CHRNA7: variants seen among roughly 807,000 people sequenced by gnomAD.
CHRNA7 encodes the protein cholinergic receptor nicotinic alpha 7 subunit, also known as neuronal acetylcholine receptor subunit alpha-7.
CHRNA7 carries 17 observed loss-of-function variants against 48.0 expected under a neutral mutation model. The ratio of observed to expected loss-of-function variants is 0.35; its 90% CI spans 0.24 to 0.53. The LOEUF is 0.53. CHRNA7 is among the 20% of genes least tolerant of loss of function. The pLI, the probability that CHRNA7 is intolerant of heterozygous loss-of-function variation, is 0.92. For synonymous variants in CHRNA7, 75 were observed against 242.3 expected (o/e 0.31, Z 6.41); for missense variants, 155 against 577.7 (o/e 0.27, Z 7.50).
At chr15:32,141,481 G>A (rs1363186125) in intron 4 of CHRNA7, among the ~76,000 whole-genome samples, 9 of 152,170 alleles carry the variant, frequency 5.9e-5, no homozygotes, top group Non-Finnish European at 1.3e-4. Context: ...AGCTTGATGG[G>A]GATGGCATTG....
In CHRNA7 at chr15:32,149,228, T is replaced by C. The variant is rs1204100388; in HGVS notation, c.351-4679T>C. On this transcript the variant is annotated intron_variant, in intron 4 of 9. Transcript: ENST00000306901. The surrounding 1 kb of genome is among the most constrained non-coding windows in gnomAD (Gnocchi z 4.6). ...TCAGACTATTTAATACAGAACAGTT[T>C]ACACACAGAAGAGGAGTGAGGAGGA... 2.6e-5 allele frequency among the ~76,000 whole-genome samples: 4 copies of C among 152,240 alleles called. No individual in the cohort carries two copies. Among genetic ancestry groups the C allele is most frequent in the Non-Finnish European group, 2.9e-5 (2 of 68,050 alleles).
At chr15:32,125,182 A>G (rs2051044843) in intron 4 of CHRNA7, among the ~76,000 whole-genome samples, 1 of 152,026 alleles carries the variant, frequency 6.6e-6, no homozygotes, top group African/African-American at 2.4e-5. Context: ...CTAATAAAAG[A>G]TTTAAGAAAG....
At chr15:32,037,221 T>A (rs1171344362) in intron 2 of CHRNA7, among the ~76,000 whole-genome samples, 1 of 152,224 alleles carries the variant, frequency 6.6e-6, no homozygotes, top group Non-Finnish European at 1.5e-5. Flanking sequence ...TGCATCTTTG[T>A]CAAAGATCAG....
chr15:32,033,711 A>T (rs917199515), intron 2 of CHRNA7, among the ~76,000 whole-genome samples: 13 of 152,228 alleles, frequency 8.5e-5, no homozygotes, highest in African/African-American at 3.1e-4. Context: ...GGACAGAGAC[A>T]CAATGGTTCT....
At chr15:32,100,750 A>C (rs993029496) in intron 2 of CHRNA7, 1 of 154,952 alleles carries the variant, frequency 6.5e-6, no homozygotes, top group Non-Finnish European at 1.5e-5. Flanking sequence ...TGCCTCCTAG[A>C]AGTTAGAGGT....
chr15:32,145,365 C>CA (rs952203170), intron 4 of CHRNA7, among the ~76,000 whole-genome samples: 1 of 152,204 alleles, frequency 6.6e-6, no homozygotes, highest in Non-Finnish European at 1.5e-5. Flanking sequence ...AGTCAGGCTA[C>CA]ACGGGGGTCA....
rs572197818 is a variant in CHRNA7 at position 32,089,692 on chromosome 15, AGTCCT to A, written c.196-11608_196-11604del. Among the ~76,000 whole-genome samples the A allele has an allele frequency of 7.2e-5, 11 of 152,230 alleles. No homozygotes were observed. The South Asian group carries it at 2.3e-3, about 32-fold the overall frequency. ...AATTTCAACATTTGTATCATATCTA[AGTCCT>A]GTTCTGATGTTTGCTTTGTCTCTGC... is the stretch of plus-strand genomic sequence containing the variant. On this transcript the variant is annotated intron_variant, in intron 2 of 9. Coordinates refer to ENST00000306901, the MANE Select transcript of CHRNA7 (RefSeq NM_000746.6).
At chr15:32,033,711 A>G (rs917199515) in intron 2 of CHRNA7, among the ~76,000 whole-genome samples, 6 of 152,228 alleles carry the variant, frequency 3.9e-5, no homozygotes, top group African/African-American at 7.2e-5. Context: ...GGACAGAGAC[A>G]CAATGGTTCT....
rs1286076542 is a variant in CHRNA7, at chr15:32,149,559, T to C, written c.351-4348T>C. Among the ~76,000 whole-genome samples, 2 of 152,214 alleles carry C rather than the reference T, an allele frequency of 1.3e-5. No individual in the cohort carries two copies. Among genetic ancestry groups the C allele is most frequent in the South Asian group, 4.1e-4 (2 of 4,828 alleles). ...ACAGATAAAGTAGTATTAGCACAAA[T>C]CCATTACAAGAGTTTACTTTTATAC... On this transcript the variant is annotated intron_variant, in intron 4 of 9. Coordinates refer to ENST00000306901, the MANE Select transcript of CHRNA7 (RefSeq NM_000746.6). The surrounding 1 kb of genome is among the most constrained non-coding windows in gnomAD (Gnocchi z 4.6).
chr15:32,114,042 A>G lies in CHRNA7; in HGVS notation c.350+2143A>G, dbSNP rs372044476. Among the ~76,000 whole-genome samples the G allele has an allele frequency of 9.4e-3, 659 of 70,310 alleles. 4 individuals carry two copies. Among genetic ancestry groups the G allele is most frequent in the Middle Eastern group, 0.024 (4 of 170 alleles). The allele number at this position is 70,310 out of a possible 152,430, so 46.1% of individuals were successfully genotyped here. A position where few individuals can be genotyped will look rare whatever the true frequency, so the allele number is the denominator to read the frequency against. On this transcript the variant is annotated intron_variant, in intron 4 of 9. Coordinates refer to ENST00000306901, the MANE Select transcript of CHRNA7 (RefSeq NM_000746.6). ...CAAATATATATATATATATATATAT[A>G]TGTATATATATATATATACATATAT...
At chr15:32,138,386 G>A (rs1037985564) in intron 4 of CHRNA7, among the ~76,000 whole-genome samples, 7 of 152,056 alleles carry the variant, frequency 4.6e-5, no homozygotes, top group Admixed American at 6.6e-5. Flanking sequence ...GTTTTTTAAA[G>A]CAGTTTGAGG....
chr15:32,108,386 C>T (rs555511752), intron 3 of CHRNA7, among the ~76,000 whole-genome samples: 24 of 152,346 alleles, frequency 1.6e-4, no homozygotes, highest in Non-Finnish European at 2.6e-4. Context: ...GGTTCATTGA[C>T]GCTTCTTTTC....
chr15:32,080,787 T>A (rs1566824921), intron 2 of CHRNA7, among the ~76,000 whole-genome samples: 1 of 152,216 alleles, frequency 6.6e-6, no homozygotes, highest in East Asian at 1.9e-4. Context: ...GCCGTCCCAT[T>A]ACTGGGTATA....
At chr15:32,077,636 C>A (rs1326888126) in intron 2 of CHRNA7, among the ~76,000 whole-genome samples, 2 of 152,080 alleles carry the variant, frequency 1.3e-5, no homozygotes, top group Non-Finnish European at 2.9e-5. Context: ...TTTAGTGTTC[C>A]TATAAAGGAA....
chr15:32,098,738 C>A (rs2050516083), intron 2 of CHRNA7: 1 of 152,284 alleles, frequency 6.6e-6, no homozygotes, highest in South Asian at 2.1e-4. Context: ...TGGGTGAAGT[C>A]CATGTCCTTG....
intron 4 of CHRNA7, among the ~76,000 whole-genome samples, chr15:32,119,947 C>T (rs559821757): frequency 1.3e-5 from 2 of 152,296 alleles, no homozygotes; most frequent in East Asian, 3.9e-4. Flanking sequence ...CTGCCTCATC[C>T]GGTGCTTACT....
chr15:32,138,672 G>A (rs1319174227), intron 4 of CHRNA7, among the ~76,000 whole-genome samples: 2 of 151,870 alleles, frequency 1.3e-5, no homozygotes, highest in Non-Finnish European at 2.9e-5. Context: ...AAAAATCCTC[G>A]GTGCTCCACC....
chr15:32,095,818 C>T (rs1045913253), intron 2 of CHRNA7, among the ~76,000 whole-genome samples: 1 of 152,196 alleles, frequency 6.6e-6, no homozygotes, highest in African/African-American at 2.4e-5. Context: ...AATTATTTTC[C>T]GTGATCGTAA....
intron 4 of CHRNA7, among the ~76,000 whole-genome samples, chr15:32,150,314 T>C (rs2141357316): frequency 6.6e-6 from 1 of 152,312 alleles, no homozygotes; most frequent in South Asian, 2.1e-4. Context: ...CCTCTGGGCC[T>C]CCCAAAGTGC....
Sources: gnomAD v4.1 joint callset for allele counts (sites outside exome capture counted in the v4.1 genomes callset) on GRCh38, gnomAD v4.1.1 for gene constraint, Gnocchi (gnomAD v3.1) non-coding constraint, MANE v1.5 for transcripts, NCBI Gene and HGNC (gene_info 2026-07-23, HGNC 2026-07-21) for gene names.